CD200R1L: variants seen among roughly 807,000 people sequenced by gnomAD.
The protein encoded by CD200R1L is CD200 receptor 1 like.
Under a neutral mutation model 24.8 loss-of-function variants are expected in CD200R1L, and 14 were observed. The ratio of observed to expected loss-of-function variants is 0.56; its 90% CI spans 0.37 to 0.88. The LOEUF (loss-of-function observed/expected upper bound fraction) is 0.88, where lower values mean the gene tolerates loss of function less well. Among genes scored for constraint, CD200R1L ranks in the 40% least tolerant of loss-of-function variants. CD200R1L has a pLI of 0.00. For missense variants in CD200R1L, 299 were observed against 297.8 expected (o/e 1.00, Z -0.03); for synonymous variants, 111 against 109.2 (o/e 1.02, Z -0.11).
chr3:112,832,246 C>T (rs1219620245), intron 3 of CD200R1L, among the ~76,000 whole-genome samples: 8 of 152,142 alleles, frequency 5.3e-5, no homozygotes, highest in Non-Finnish European at 8.8e-5. Context: ...TTAAGGGCCT[C>T]CTGTTAGAGT....
At chr3:112,821,217 T>A (rs1167135768) in intron 6 of CD200R1L, among the ~76,000 whole-genome samples, 1 of 152,180 alleles carries the variant, frequency 6.6e-6, no homozygotes, top group African/African-American at 2.4e-5. Context: ...CAGACAATCC[T>A]AGGCATTGTG....
intron 4 of CD200R1L, among the ~76,000 whole-genome samples, chr3:112,828,120 A>T (rs1938711758): frequency 6.6e-6 from 1 of 152,222 alleles, no homozygotes; most frequent in Non-Finnish European, 1.5e-5. Context: ...ATAACTAGTG[A>T]TGTGATTGTC....
At chr3:112,818,375 A>G (rs1415424158) in intron 7 of CD200R1L, among the ~76,000 whole-genome samples, 1 of 152,228 alleles carries the variant, frequency 6.6e-6, no homozygotes, top group Non-Finnish European at 1.5e-5. Flanking sequence ...TCTAAAAAGT[A>G]AGGGGAACTT....
chr3:112,840,256 G>T (rs1939047273), intron 2 of CD200R1L, among the ~76,000 whole-genome samples: 1 of 152,184 alleles, frequency 6.6e-6, no homozygotes, highest in South Asian at 2.1e-4. Context: ...ATAAAGAAAA[G>T]AGGTTTAGTT....
At chr3:112,844,784 T>G (rs1939162793) in intron 2 of CD200R1L, among the ~76,000 whole-genome samples, 1 of 151,600 alleles carries the variant, frequency 6.6e-6, no homozygotes, top group Admixed American at 6.6e-5. Flanking sequence ...ATTAGCCAGG[T>G]GTGGTGGCGG....
At chr3:112,836,225 A>G (rs79573632) in intron 3 of CD200R1L, among the ~76,000 whole-genome samples, 3,562 of 151,926 alleles carry the variant, frequency 0.023, 133 homozygotes, top group African/African-American at 0.082. Context: ...AGGTCCCATC[A>G]CCGCCACTGC....
chr3:112,820,620 G>A (rs1306743778), intron 6 of CD200R1L, among the ~76,000 whole-genome samples: 4 of 151,668 alleles, frequency 2.6e-5, no homozygotes, highest in Non-Finnish European at 5.9e-5. Flanking sequence ...TAGGAGAGAT[G>A]GGGTTTCGTC....
At position 112,819,909 on chromosome 3, in the gene CD200R1L, CAG is replaced by C. The variant is rs750491534; in HGVS notation, c.617-16_617-15del. ...AGGTTCTGAGACCTTTAAATACAGA[CAG>C]GGGTGAAAAATCATTTCAAGCATTC... is the stretch of plus-strand genomic sequence containing the variant. On this transcript the variant is annotated splice_polypyrimidine_tract_variant and intron_variant, in intron 6 of 7. Coordinates refer to ENST00000488794, the MANE Select transcript of CD200R1L (RefSeq NM_001199215.3). The C allele has an allele frequency of 2.0e-4, 308 of 1,561,324 alleles. 2 individuals carry two copies. The Middle Eastern group carries it at 2.6e-3, about 13-fold the overall frequency.
At chr3:112,826,914 C>T (rs1938668086) in intron 6 of CD200R1L, 79 bp downstream of exon 6, 3 of 1,481,858 alleles carry the variant, frequency 2.0e-6, no homozygotes, top group Non-Finnish European at 2.7e-6. Flanking sequence ...TTCTTACCTG[C>T]TGTTTGGTTA....
At chr3:112,842,310 A>G (rs949441309) in intron 2 of CD200R1L, among the ~76,000 whole-genome samples, 5 of 152,256 alleles carry the variant, frequency 3.3e-5, no homozygotes, top group Admixed American at 1.3e-4. Context: ...TGAAGATTTC[A>G]TGGACATTTA....
intron 4 of CD200R1L, among the ~76,000 whole-genome samples, 197 bp from the exon 5 acceptor site, chr3:112,827,881 C>T (rs142809220): frequency 1.3e-5 from 2 of 152,224 alleles, no homozygotes; most frequent in African/African-American, 4.8e-5. Flanking sequence ...TAAAGATTAA[C>T]AAACTTTCTC....
At position 112,815,988 on chromosome 3, in the gene CD200R1L, C is replaced by A. The variant is rs749054528; in HGVS notation, c.741-13G>T. The A allele has an allele frequency of 2.6e-6, 2 of 780,222 alleles. No individual in the cohort carries two copies. The highest frequency in any genetic ancestry group is 4.9e-5 in the East Asian group (2 of 41,228). 48.3% of individuals were successfully genotyped at this position (780,222 alleles called of 1,614,324 possible). A position where few individuals can be genotyped will look rare whatever the true frequency, so the allele number is the denominator to read the frequency against. The stretch of plus-strand genomic sequence containing the variant: ...TTAAAGAACTTTTCTGAAAGTATTA[C>A]ACAAGATTTGTATTTATATCTCATT... On this transcript the variant is annotated splice_polypyrimidine_tract_variant and intron_variant, in intron 7 of 7. Coordinates refer to ENST00000488794, the MANE Select transcript of CD200R1L (RefSeq NM_001199215.3).
At chr3:112,817,278 G>T (rs528966846) in intron 7 of CD200R1L, among the ~76,000 whole-genome samples, 2 of 152,032 alleles carry the variant, frequency 1.3e-5, no homozygotes, top group African/African-American at 2.4e-5. Flanking sequence ...TTACAAAAAG[G>T]TAAGTGTTAA....
At chr3:112,835,494 G>T (rs1455759605) in intron 3 of CD200R1L, among the ~76,000 whole-genome samples, 1 of 152,254 alleles carries the variant, frequency 6.6e-6, no homozygotes, top group African/African-American at 2.4e-5. Context: ...GTGCATGCCA[G>T]TTGGTCCATG....
chr3:112,833,259 T>A (rs1938855284), intron 3 of CD200R1L, among the ~76,000 whole-genome samples: 1 of 152,172 alleles, frequency 6.6e-6, no homozygotes, highest in African/African-American at 2.4e-5. Context: ...CTGTAACAGG[T>A]CCATGCTACA....
intron 6 of CD200R1L, among the ~76,000 whole-genome samples, chr3:112,822,753 C>A (rs943806449): frequency 5.9e-5 from 9 of 152,144 alleles, no homozygotes; most frequent in Non-Finnish European, 8.8e-5. Flanking sequence ...TATGTTGAGC[C>A]TTAACGGAAT....
At chr3:112,840,882 A>C (rs542671628) in intron 2 of CD200R1L, among the ~76,000 whole-genome samples, 2 of 152,082 alleles carry the variant, frequency 1.3e-5, no homozygotes, top group South Asian at 4.1e-4. Context: ...AATTATATAC[A>C]TATTTTATAT....
intron 6 of CD200R1L, among the ~76,000 whole-genome samples, chr3:112,820,496 T>C (rs1240882438): frequency 1.3e-5 from 2 of 152,060 alleles, no homozygotes; most frequent in Admixed American, 1.3e-4. Flanking sequence ...AGCGGCGCAA[T>C]CTCGGCTGAC....
chr3:112,842,393 C>A (rs116412172), intron 2 of CD200R1L, among the ~76,000 whole-genome samples: 2,764 of 152,322 alleles, frequency 0.018, 33 homozygotes, highest in South Asian at 0.039. Flanking sequence ...TCTTCATAAG[C>A]TGAGGATTTA....
Sources: gnomAD v4.1 joint callset for allele counts (sites outside exome capture counted in the v4.1 genomes callset) on GRCh38, gnomAD v4.1.1 for gene constraint, MANE v1.5 for transcripts, NCBI Gene and HGNC (gene_info 2026-07-23, HGNC 2026-07-21) for gene names.